Variants in MKLN1 observed in about 807,000 individuals in gnomAD.
MKLN1 encodes muskelin 1.
A neutral mutation model predicts 99.0 loss-of-function variants in MKLN1; 18 were observed. That is an observed-to-expected ratio of 0.18 (90% confidence interval 0.13 to 0.27). The LOEUF (loss-of-function observed/expected upper bound fraction) is 0.27. MKLN1 is among the 10% of genes least tolerant of loss of function. The probability of loss-of-function intolerance (pLI) is 1.00; values close to 1 mark genes in which losing one functional copy is unlikely to be tolerated. For missense variants in MKLN1, 621 were observed against 875.9 expected, an observed-to-expected ratio of 0.71 and a Z score of 3.67; for synonymous variants, 288 against 293.2, an observed-to-expected ratio of 0.98 and a Z score of 0.18.
chr7:131,416,671 C>G (rs1268528202), intron 8 of MKLN1, among the ~76,000 whole-genome samples: 1 of 151,640 alleles, frequency 6.6e-6, no homozygotes, highest in Non-Finnish European at 1.5e-5. Flanking sequence ...GGTCCTTACC[C>G]CTACTCCCTT....
intron 14 of MKLN1, 35 bp from the exon 15 acceptor site, chr7:131,466,241 A>G (rs951304130): frequency 6.6e-7 from 1 of 1,520,192 alleles, no homozygotes; most frequent in Admixed American, 1.8e-5. Context: ...GTATGCATGC[A>G]TTTTTAAAAA....
chr7:131,188,672 T>A (rs1796488379), intron 2 of MKLN1, among the ~76,000 whole-genome samples: 1 of 152,176 alleles, frequency 6.6e-6, no homozygotes, highest in Non-Finnish European at 1.5e-5. Context: ...ACTCAAGGAA[T>A]GTAGAAACAG....
At chr7:131,390,942 G>A (rs148826297) in intron 4 of MKLN1, among the ~76,000 whole-genome samples, 18 of 152,012 alleles carry the variant, frequency 1.2e-4, no homozygotes, top group African/African-American at 4.1e-4. Context: ...ACACTTATTA[G>A]CCCATTTTCT....
rs144251286 is a variant in MKLN1, at chr7:131,443,724, C to T, written c.1395+22C>T. 1,571 of 1,487,402 alleles carry T rather than the reference C, an allele frequency of 1.1e-3. 17 individuals carry two copies. In the African/African-American group the frequency reaches 0.019, roughly 18 times the overall value. 92.1% of individuals were successfully genotyped at this position (1,487,402 alleles called of 1,614,324 possible). ...CTCAGTAAGAACATTCCGTACATTG[C>T]GTAAATGTTATTTTGTCATGTATAT... On this transcript the variant is annotated intron_variant, in intron 11 of 17. Transcript: ENST00000352689.
At chr7:131,282,908 A>G (rs955081572) in intron 3 of MKLN1, among the ~76,000 whole-genome samples, 103 of 152,256 alleles carry the variant, frequency 6.8e-4, no homozygotes, top group Non-Finnish European at 6.9e-4. Context: ...GGATATGACT[A>G]TAGTCATGAT....
chr7:131,214,778 G>C (rs905064737), intron 3 of MKLN1, among the ~76,000 whole-genome samples: 2 of 152,118 alleles, frequency 1.3e-5, no homozygotes, highest in Non-Finnish European at 2.9e-5. Flanking sequence ...AATTGGGTTT[G>C]CATTGAAATT....
At chr7:131,223,443 T>A (rs1177415511) in intron 3 of MKLN1, among the ~76,000 whole-genome samples, 1 of 152,202 alleles carries the variant, frequency 6.6e-6, no homozygotes, top group East Asian at 1.9e-4. Flanking sequence ...AAAACTGGGT[T>A]AGCAGAGAAG....
At chr7:131,360,841 A>C (rs185141470) in intron 1 of MKLN1, among the ~76,000 whole-genome samples, 1 of 152,268 alleles carries the variant, frequency 6.6e-6, no homozygotes, top group Non-Finnish European at 1.5e-5. Flanking sequence ...ACTGGTAACA[A>C]ATTCCTTTAG....
intron 2 of MKLN1, among the ~76,000 whole-genome samples, chr7:131,154,384 T>C (rs149969962): frequency 4.3e-4 from 65 of 152,260 alleles, no homozygotes; most frequent in Non-Finnish European, 9.3e-4. Flanking sequence ...CCCGGCCTAA[T>C]TGTGGTAATT....
At chr7:131,366,351 A>T (rs912021523) in intron 1 of MKLN1, among the ~76,000 whole-genome samples, 1 of 152,162 alleles carries the variant, frequency 6.6e-6, no homozygotes, top group African/African-American at 2.4e-5. Flanking sequence ...TGCTTGACTG[A>T]CTTTTCTTCA....
chr7:131,400,683 A>C (rs368792567), intron 6 of MKLN1, among the ~76,000 whole-genome samples: 1 of 151,836 alleles, frequency 6.6e-6, no homozygotes, highest in African/African-American at 2.4e-5. Context: ...AAGCAAAACA[A>C]CAGCCACAGG....
intron 2 of MKLN1, among the ~76,000 whole-genome samples, chr7:131,190,297 A>T (rs1796515628): frequency 6.6e-6 from 1 of 152,092 alleles, no homozygotes; most frequent in South Asian, 2.1e-4. Flanking sequence ...GCATAAAGAC[A>T]TTCCTTCCTT....
chr7:131,317,436 AC>A (rs1386821821), intron 3 of MKLN1, among the ~76,000 whole-genome samples: 2 of 152,330 alleles, frequency 1.3e-5, no homozygotes, highest in South Asian at 4.1e-4. Flanking sequence ...GGCTGGTCTT[AC>A]AAAAGCTCCT....
intron 2 of MKLN1, among the ~76,000 whole-genome samples, chr7:131,149,721 T>C (rs1367207358): frequency 1.3e-5 from 2 of 152,218 alleles, no homozygotes; most frequent in African/African-American, 4.8e-5. Flanking sequence ...GGGATGTACA[T>C]GTAATTAGAA....
chr7:131,405,971 G>GA lies in MKLN1; in HGVS notation c.704-5333dup. ...ATATTGCACAAATCTTTATCAATAA[G>GA]AATTTTCTGTCTGATTCTCATTACT... On this transcript the variant is annotated intron_variant, in intron 6 of 17. Transcript: ENST00000352689. Among the ~76,000 whole-genome samples the GA allele has an allele frequency of 2.0e-5, 3 of 152,120 alleles. No homozygotes were observed. In the South Asian group the frequency reaches 6.2e-4, roughly 32 times the overall value.
intron 15 of MKLN1, among the ~76,000 whole-genome samples, chr7:131,470,368 T>C (rs1357724181): frequency 6.6e-6 from 1 of 152,252 alleles, no homozygotes; most frequent in Non-Finnish European, 1.5e-5. Flanking sequence ...GTTAATGATA[T>C]TCATTTAAAA....
At chr7:131,480,041 A>T (rs1797079833) in intron 17 of MKLN1, among the ~76,000 whole-genome samples, 1 of 148,596 alleles carries the variant, frequency 6.7e-6, no homozygotes, top group African/African-American at 2.5e-5. Context: ...AAAAAAAAAA[A>T]TACCAAGACT....
intron 3 of MKLN1, among the ~76,000 whole-genome samples, chr7:131,224,917 C>CA (rs1295267984): frequency 2.0e-5 from 3 of 146,760 alleles, no homozygotes; most frequent in East Asian, 4.1e-4. Flanking sequence ...ACTAAAAATA[C>CA]AAAAAATTAG....
At chr7:131,224,486 C>T (rs1384907992) in intron 3 of MKLN1, among the ~76,000 whole-genome samples, 2 of 152,016 alleles carry the variant, frequency 1.3e-5, no homozygotes, top group Admixed American at 1.3e-4. Flanking sequence ...GCAGAGGCTA[C>T]GGTGAGCCAA....
Sources: gnomAD v4.1 joint callset for allele counts (sites outside exome capture counted in the v4.1 genomes callset) on GRCh38, gnomAD v4.1.1 for gene constraint, MANE v1.5 for transcripts, NCBI Gene and HGNC (gene_info 2026-07-23, HGNC 2026-07-21) for gene names.